Variants in FSD1L observed in about 807,000 individuals in gnomAD.
FSD1L encodes the protein FSD1-like protein.
FSD1L carries 45 observed loss-of-function variants against 71.6 expected under a neutral mutation model. The observed-to-expected ratio is 0.63, with a 90% confidence interval of 0.49 to 0.81. FSD1L has a LOEUF of 0.81. Among genes scored for constraint, FSD1L ranks in the 30% least tolerant of loss-of-function variants. FSD1L has a pLI of 0.00. For missense variants in FSD1L, 561 were observed against 618.1 expected (o/e 0.91, Z 0.98); for synonymous variants, 197 against 207.2 (o/e 0.95, Z 0.42).
chr9:105,539,603 C>T (rs906618296), intron 13 of FSD1L, among the ~76,000 whole-genome samples: 1 of 152,002 alleles, frequency 6.6e-6, no homozygotes, highest in Non-Finnish European at 1.5e-5. Context: ...TATAGGACTG[C>T]ACTCATGTGT....
chr9:105,545,179 C>G (rs1836907664), intron 13 of FSD1L, among the ~76,000 whole-genome samples: 1 of 150,164 alleles, frequency 6.7e-6, no homozygotes, highest in African/African-American at 2.5e-5. Flanking sequence ...ATTTTATTCT[C>G]TTTGAAGCAA....
chr9:105,482,615 A>G (rs562180694), intron 6 of FSD1L, among the ~76,000 whole-genome samples: 52 of 152,334 alleles, frequency 3.4e-4, no homozygotes, highest in African/African-American at 1.2e-3. Context: ...ATGTCTAAAT[A>G]CATGAAGTTA....
At chr9:105,493,766 G>C (rs1833134250) in intron 7 of FSD1L, among the ~76,000 whole-genome samples, 1 of 152,014 alleles carries the variant, frequency 6.6e-6, no homozygotes, top group Non-Finnish European at 1.5e-5. Flanking sequence ...ATGAAGCTTA[G>C]TTTGGCTGGA....
chr9:105,522,977 T>G, intron 10 of FSD1L: 1 of 1,614,058 alleles, frequency 6.2e-7, no homozygotes, highest in Non-Finnish European at 8.5e-7. Flanking sequence ...TCAGCTCAGA[T>G]AGTCATTCGG....
intron 9 of FSD1L, among the ~76,000 whole-genome samples, chr9:105,510,733 T>C: frequency 6.6e-6 from 1 of 152,196 alleles, no homozygotes; most frequent in East Asian, 1.9e-4. Context: ...AGTATATTAT[T>C]AGTTATTTTC....
chr9:105,447,916 G>C, upstream of FSD1L: 1 of 503,710 alleles, frequency 2.0e-6, no homozygotes, highest in East Asian at 3.8e-5. Flanking sequence ...GCCTGCAGAG[G>C]CACTAGCGGT....
intron 7 of FSD1L, among the ~76,000 whole-genome samples, chr9:105,506,118 T>C (rs1190322483): frequency 6.6e-6 from 1 of 152,240 alleles, no homozygotes; most frequent in Non-Finnish European, 1.5e-5. Context: ...TTTGTTAATA[T>C]TGATTTAATT....
In FSD1L at chr9:105,551,943, C is replaced by T. The variant is rs1589130501; in HGVS notation, c.*5460C>T. ...GGATAAATGATATAAAATGTAACCA[C>T]TGAACATTTGACAACTTTGTTGCAT... On this transcript the variant is annotated 3_prime_UTR_variant, in exon 14 of 14. Transcript: ENST00000481272. 6.6e-6 allele frequency: 1 copy of T among 152,176 alleles called. No homozygotes were observed. Among genetic ancestry groups the T allele is most frequent in the Non-Finnish European group, 1.5e-5 (1 of 68,030 alleles). 9.4% of individuals were successfully genotyped at this position (152,176 alleles called of 1,614,324 possible).
chr9:105,507,431 A>G (rs892797640), intron 8 of FSD1L, among the ~76,000 whole-genome samples: 1 of 152,220 alleles, frequency 6.6e-6, no homozygotes, highest in African/African-American at 2.4e-5. Flanking sequence ...GCTCAAGTGT[A>G]TTACATATAG....
intron 10 of FSD1L, chr9:105,523,046 C>T (rs1020327498): frequency 3.7e-5 from 60 of 1,614,012 alleles, no homozygotes; most frequent in Non-Finnish European, 4.5e-5. Flanking sequence ...GCTTTGGAGC[C>T]GACACTGGGG....
intron 10 of FSD1L, among the ~76,000 whole-genome samples, chr9:105,533,579 C>T (rs2131484882): frequency 6.7e-6 from 1 of 150,158 alleles, no homozygotes; most frequent in African/African-American, 2.4e-5. Context: ...CCCACAACCA[C>T]ACCCAGCTAA....
chr9:105,522,545 C>G (rs3802434), intron 10 of FSD1L: 2 of 1,613,592 alleles, frequency 1.2e-6, no homozygotes, highest in Non-Finnish European at 1.7e-6. Context: ...AAATACTTCC[C>G]CGCTCAACTA....
chr9:105,473,863 TTC>T lies in FSD1L; in HGVS notation c.441+1860_441+1861del, dbSNP rs138647423. On this transcript the variant is annotated intron_variant, in intron 5 of 13. Coordinates refer to ENST00000481272, the MANE Select transcript of FSD1L (RefSeq NM_001145313.3). ...TGTCCTTTATTCTTTCCAGCTTTGTTTCTGTTATAATTTGTTCCTGACAGATT... is the reference window on the plus strand; with the variant it reads ...TGTCCTTTATTCTTTCCAGCTTTGTTTGTTATAATTTGTTCCTGACAGATT... 2.0e-3 allele frequency among the ~76,000 whole-genome samples: 303 copies of T among 152,358 alleles called. 1 individual carries two copies. Among genetic ancestry groups the T allele is most frequent in the African/African-American group, 6.9e-3 (285 of 41,590 alleles).
intron 2 of FSD1L, among the ~76,000 whole-genome samples, chr9:105,462,377 C>T (rs1001476934): frequency 2.6e-5 from 4 of 151,470 alleles, no homozygotes; most frequent in Admixed American, 6.6e-5. Context: ...CCCATCACCA[C>T]GCCTGCCTAA....
In FSD1L at chr9:105,533,928, A is replaced by T. The variant is rs1836093003; in HGVS notation, c.1026-565A>T. Among the ~76,000 whole-genome samples, 7 of 152,008 alleles carry T rather than the reference A, an allele frequency of 4.6e-5. No individual in the cohort carries two copies. In the South Asian group the frequency reaches 1.5e-3, roughly 32 times the overall value. ...AGTAGAGATGGGGTTTCTCCACGTT[A>T]GTCAGGCTCGTCTCGAACTCCCGAC... On this transcript the variant is annotated intron_variant, in intron 10 of 13. Transcript: ENST00000481272.
intron 3 of FSD1L, among the ~76,000 whole-genome samples, chr9:105,466,262 C>A (rs941573233): frequency 6.6e-6 from 1 of 151,948 alleles, no homozygotes; most frequent in Non-Finnish European, 1.5e-5. Context: ...GAAAAATATC[C>A]CATGTTTGTG....
rs1372533525 is a variant in FSD1L, at chr9:105,506,495, A to G, written c.683A>G (p.Asp228Gly). The G allele has an allele frequency of 6.4e-7, 1 of 1,551,236 alleles. No homozygotes were observed. Among genetic ancestry groups the G allele is most frequent in the Admixed American group, 2.0e-5 (1 of 50,990 alleles). ...ATGCCAGAAGAAGATAATAAGATTG[A>G]CCATTTTATACTGGAACATAGGAAG... ...WRMPEEDNKI[D>G]HFILEHRKTN... The change falls in exon 8 of 14, where the codon GAC becomes GGC. Residue 228 changes from aspartate (D) to glycine (G), a missense_variant. This residue lies in a region of FSD1L where 410 missense variants were observed against 413.5 expected (regional missense o/e 0.99). Coordinates refer to ENST00000481272, the MANE Select transcript of FSD1L (RefSeq NM_001145313.3).
At chr9:105,544,971 G>T (rs531931890) in intron 13 of FSD1L, among the ~76,000 whole-genome samples, 222 of 152,216 alleles carry the variant, frequency 1.5e-3, no homozygotes, top group South Asian at 6.0e-3. Flanking sequence ...AAGAAAGTCA[G>T]TGGTAGCTTG....
chr9:105,500,223 T>C (rs1054734846), intron 7 of FSD1L, among the ~76,000 whole-genome samples: 5 of 152,216 alleles, frequency 3.3e-5, no homozygotes, highest in African/African-American at 4.8e-5. Flanking sequence ...CAGACATGTA[T>C]TGGGTTAAAG....
Sources: allele counts gnomAD v4.1 joint callset (sites outside exome capture counted in the v4.1 genomes callset), GRCh38; gene constraint gnomAD v4.1.1; regional missense constraint gnomAD v4.1.1; transcripts MANE v1.5; gene names NCBI Gene and HGNC (gene_info 2026-07-23, HGNC 2026-07-21).